OSBPL2: variants seen among roughly 807,000 people sequenced by gnomAD.
OSBPL2 encodes the protein oxysterol-binding protein-related protein 2.
Under a neutral mutation model 58.4 loss-of-function variants are expected in OSBPL2, and 18 were observed. The observed-to-expected ratio is 0.31, with a 90% CI of 0.21 to 0.46. OSBPL2 has a LOEUF of 0.46. Among genes scored for constraint, OSBPL2 ranks in the 20% least tolerant of loss-of-function variants. OSBPL2 has a pLI of 1.00. For missense variants in OSBPL2, 461 were observed against 616.5 expected (o/e 0.75, Z 2.67); for synonymous variants, 221 against 234.1 (o/e 0.94, Z 0.51).
At chr20:62,291,472 A>G (rs1260108647) in intron 12 of OSBPL2, 2 of 549,134 alleles carry the variant, frequency 3.6e-6, no homozygotes, top group South Asian at 1.9e-5. Flanking sequence ...AACACGCAGC[A>G]CATGCAGCCC....
Position 62,278,970 on chromosome 20 carries a change from T to A in OSBPL2, c.492-187T>A, listed in dbSNP as rs111565460. The A allele has an allele frequency of 6.9e-3, 3,900 of 565,570 alleles. 104 individuals carry two copies. Among genetic ancestry groups the A allele is most frequent in the African/African-American group, 0.062 (3,230 of 52,142 alleles). 35.0% of individuals were successfully genotyped at this position (565,570 alleles called of 1,614,324 possible). A position where few individuals can be genotyped will look rare whatever the true frequency, so the allele number is the denominator to read the frequency against. On this transcript the variant is annotated intron_variant, in intron 6 of 13. Coordinates refer to ENST00000313733, the MANE Select transcript of OSBPL2 (RefSeq NM_144498.4). ...AAGTGCGATGTCATGTTTGTGTGTG[T>A]GTCTGTTGCCAACGTTAGGCCAAGT...
rs1298036895 is a variant in OSBPL2 at position 62,288,924 on chromosome 20, G to C, written c.1126-283G>C. On this transcript the variant is annotated intron_variant, in intron 11 of 13. Coordinates refer to ENST00000313733, the MANE Select transcript of OSBPL2 (RefSeq NM_144498.4). This position sits in a 1 kb window ranked among gnomAD's most constrained non-coding sequence, Gnocchi z 4.8. ...TGGCTGGAGTGTTTCCAGCAAGCTG[G>C]TGACAAATCTGTTGATGAGATTGTA... Among the ~76,000 whole-genome samples the C allele has an allele frequency of 6.6e-6, 1 of 152,134 alleles. No individual in the cohort carries two copies. Among genetic ancestry groups the C allele is most frequent in the Non-Finnish European group, 1.5e-5 (1 of 68,022 alleles).
At chr20:62,263,374 T>C (rs1981444726) in intron 3 of OSBPL2, among the ~76,000 whole-genome samples, 1 of 152,110 alleles carries the variant, frequency 6.6e-6, no homozygotes, top group Admixed American at 6.5e-5. Flanking sequence ...GCAGGGCCAC[T>C]GCGGGGCCAA....
At chr20:62,291,165 A>G (rs1983482941) in intron 12 of OSBPL2, 1 of 183,744 alleles carries the variant, frequency 5.4e-6, no homozygotes, top group African/African-American at 2.4e-5. Flanking sequence ...CCCAGCTTGA[A>G]TTAGTGATGT....
chr20:62,273,184 C>G, intron 5 of OSBPL2, 125 bp from the exon 6 acceptor site: 1 of 766,900 alleles, frequency 1.3e-6, no homozygotes, highest in Non-Finnish European at 2.2e-6. Context: ...TCGGGGAAAA[C>G]TGAAAACGCA....
At chr20:62,291,627 G>C in intron 12 of OSBPL2, 76 bp from the exon 13 acceptor site, 1 of 1,190,364 alleles carries the variant, frequency 8.4e-7, no homozygotes, top group Non-Finnish European at 1.3e-6. Context: ...GCCAACTAGA[G>C]ATCTAGGTGC....
intron 13 of OSBPL2, 35 bp downstream of exon 13, chr20:62,291,828 C>T (rs762700499): frequency 1.3e-6 from 2 of 1,577,382 alleles, no homozygotes; most frequent in East Asian, 2.2e-5. Context: ...GCTGGGGCAG[C>T]GGGGAGGCCC....
At chr20:62,272,570 G>T (rs1216588142) in intron 5 of OSBPL2, among the ~76,000 whole-genome samples, 1 of 152,210 alleles carries the variant, frequency 6.6e-6, no homozygotes, top group Non-Finnish European at 1.5e-5. Flanking sequence ...CTTGGGTCCT[G>T]TTGCACCACC....
At chr20:62,260,476 A>T (rs1601165218) in intron 3 of OSBPL2, among the ~76,000 whole-genome samples, 1 of 151,954 alleles carries the variant, frequency 6.6e-6, no homozygotes, top group East Asian at 1.9e-4. Flanking sequence ...TGATCATCAG[A>T]CCCCTTGCTG....
At chr20:62,280,272 G>A in intron 7 of OSBPL2, 1 of 467,490 alleles carries the variant, frequency 2.1e-6, no homozygotes, top group Non-Finnish European at 3.6e-6. Flanking sequence ...ATGGTGGCTA[G>A]AAGGTTCCAC....
intron 12 of OSBPL2, among the ~76,000 whole-genome samples, chr20:62,290,116 G>T (rs971137298): frequency 6.6e-6 from 1 of 152,142 alleles, no homozygotes; most frequent in Non-Finnish European, 1.5e-5. Flanking sequence ...TGCTTGCAGC[G>T]TTCATCTGTA....
chr20:62,290,712 G>A lies in OSBPL2; in HGVS notation c.1250-991G>A, dbSNP rs1334166861. 5.3e-5 allele frequency among the ~76,000 whole-genome samples: 8 copies of A among 149,550 alleles called. No individual in the cohort carries two copies. In the East Asian group the frequency reaches 9.9e-4, roughly 18 times the overall value. ...TGGGATTACAGGCATGAACCACTGT[G>A]CCTGGCCAGGTTTTTTTTTTTGTTT... On this transcript the variant is annotated intron_variant, in intron 12 of 13. Transcript: ENST00000313733.
intron 6 of OSBPL2, among the ~76,000 whole-genome samples, chr20:62,273,618 G>A (rs998695654): frequency 7.2e-5 from 11 of 152,222 alleles, no homozygotes; most frequent in African/African-American, 2.7e-4. Flanking sequence ...TGAGTGTAAA[G>A]CGCTGGCAAT....
At chr20:62,293,687 G>A in intron 13 of OSBPL2, 98 bp from the exon 14 acceptor site, 1 of 991,774 alleles carries the variant, frequency 1.0e-6, no homozygotes. Flanking sequence ...TTACCGTGAT[G>A]GTGCTGAGTT....
At chr20:62,289,857 A>G (rs1220329350) in intron 12 of OSBPL2, among the ~76,000 whole-genome samples, 1 of 152,194 alleles carries the variant, frequency 6.6e-6, no homozygotes, top group Non-Finnish European at 1.5e-5. Context: ...GTGAGCCGAG[A>G]TTATACCACT....
intron 1 of OSBPL2, among the ~76,000 whole-genome samples, chr20:62,254,546 A>G (rs1487126081): frequency 1.3e-5 from 2 of 152,252 alleles, no homozygotes; most frequent in Non-Finnish European, 2.9e-5. Context: ...AGAGTCTCTC[A>G]GGGGACGTGG....
At chr20:62,291,570 C>G in intron 12 of OSBPL2, 133 bp from the exon 13 acceptor site, 1 of 796,632 alleles carries the variant, frequency 1.3e-6, no homozygotes, top group Middle Eastern at 2.8e-4. Flanking sequence ...TTTGGTCTCC[C>G]GATCACAGAA....
Position 62,284,028 on chromosome 20 carries a change from A to G in OSBPL2, c.873-18A>G. On this transcript the variant is annotated intron_variant, in intron 9 of 13. Transcript: ENST00000313733. Reference sequence around the variant, plus strand: ...GTAATGACTAAGACTTGTCTTTAAAAATCCCATTTAATTACAGCAAAAAGA... The same window carrying G: ...GTAATGACTAAGACTTGTCTTTAAAGATCCCATTTAATTACAGCAAAAAGA... The G allele has an allele frequency of 6.2e-7, 1 of 1,606,142 alleles. No individual in the cohort carries two copies. The highest frequency in any genetic ancestry group is 8.5e-7 in the Non-Finnish European group (1 of 1,174,628).
intron 12 of OSBPL2, 24 bp downstream of exon 12, chr20:62,289,354 G>C (rs1407932754): frequency 1.2e-6 from 2 of 1,609,070 alleles, no homozygotes; most frequent in Non-Finnish European, 1.7e-6. Context: ...GTCAGAGGAG[G>C]AAGCTTGGGG....
Sources: allele counts gnomAD v4.1 joint callset (sites outside exome capture counted in the v4.1 genomes callset), GRCh38; gene constraint gnomAD v4.1.1; non-coding constraint Gnocchi (gnomAD v3.1); transcripts MANE v1.5; gene names NCBI Gene and HGNC (gene_info 2026-07-23, HGNC 2026-07-21).